The following PRLR variants were observed in gnomAD, a reference collection of about 807,000 sequenced individuals.
PRLR encodes hPRL receptor.
PRLR carries 13 observed loss-of-function variants against 40.2 expected under a neutral mutation model. That is an observed-to-expected ratio of 0.32 (90% CI 0.21 to 0.51). The LOEUF (loss-of-function observed/expected upper bound fraction) is 0.51, where lower values mean the gene tolerates loss of function less well. Ranked by LOEUF, PRLR falls within the 20% of genes least tolerant of loss-of-function variation. The pLI is 0.97. For missense variants in PRLR, 656 were observed against 747.3 expected (o/e 0.88, Z 1.42); for synonymous variants, 269 against 278.7 (o/e 0.97, Z 0.35).
intron 1 of PRLR, among the ~76,000 whole-genome samples, chr5:35,144,720 C>A (rs1382375340): frequency 6.6e-6 from 1 of 151,828 alleles, no homozygotes; most frequent in Non-Finnish European, 1.5e-5. Context: ...ACCTTGGCCT[C>A]CCAAAGTTCC....
chr5:35,125,590 G>A (rs1361679777), intron 1 of PRLR, among the ~76,000 whole-genome samples: 1 of 152,130 alleles, frequency 6.6e-6, no homozygotes, highest in East Asian at 1.9e-4. Context: ...CCCATAAGGG[G>A]TTTTCTGTAA....
rs1208574705 is a variant in PRLR at position 35,068,695 on chromosome 5, G to A, written c.785+84C>T. On this transcript the variant is annotated intron_variant, in intron 8 of 9. Coordinates refer to ENST00000618457, the MANE Select transcript of PRLR (RefSeq NM_000949.7). Reference sequence around the variant, plus strand: ...TGGCTAAAATGAGGATTATCTACAGGTTTCCATCATCTTTGTATTTTTTTT... The same window carrying A: ...TGGCTAAAATGAGGATTATCTACAGATTTCCATCATCTTTGTATTTTTTTT... The A allele has an allele frequency of 4.6e-6, 5 of 1,079,074 alleles. No homozygotes were observed. The East Asian group carries it at 9.5e-5, about 20-fold the overall frequency. 66.8% of individuals were successfully genotyped at this position (1,079,074 alleles called of 1,614,324 possible).
chr5:35,072,509 T>C, intron 6 of PRLR, 66 bp downstream of exon 6: 1 of 1,516,516 alleles, frequency 6.6e-7, no homozygotes. Context: ...TGACCTGTTT[T>C]CAGTTGTGAG....
intron 5 of PRLR, among the ~76,000 whole-genome samples, chr5:35,082,504 A>G (rs1391502522): frequency 6.7e-6 from 1 of 150,164 alleles, no homozygotes; most frequent in Non-Finnish European, 1.5e-5. Context: ...TTTATGCACC[A>G]CATACAAGTA....
At chr5:35,210,763 G>C (rs1776149295) in intron 1 of PRLR, among the ~76,000 whole-genome samples, 1 of 152,226 alleles carries the variant, frequency 6.6e-6, no homozygotes, top group South Asian at 2.1e-4. Flanking sequence ...AGGCTGGAGT[G>C]CAGTGGCGTG....
At chr5:35,228,303 T>G (rs557504551) in intron 1 of PRLR, among the ~76,000 whole-genome samples, 1 of 145,028 alleles carries the variant, frequency 6.9e-6, no homozygotes, top group South Asian at 2.3e-4. Flanking sequence ...TCAGGAAAAC[T>G]CAGAGGCTTG....
At chr5:35,201,194 C>G (rs1262867581) in intron 1 of PRLR, among the ~76,000 whole-genome samples, 4 of 152,268 alleles carry the variant, frequency 2.6e-5, no homozygotes, top group Non-Finnish European at 5.9e-5. Context: ...GGTATATGCA[C>G]TGGTTCTAGC....
chr5:35,212,022 A>T (rs945347665), intron 1 of PRLR, among the ~76,000 whole-genome samples: 3 of 152,236 alleles, frequency 2.0e-5, no homozygotes, highest in Admixed American at 2.0e-4. Context: ...TGGCCCAAAA[A>T]GCCTAGAAAT....
intron 1 of PRLR, among the ~76,000 whole-genome samples, chr5:35,122,747 A>T (rs1773333176): frequency 6.6e-6 from 1 of 152,222 alleles, no homozygotes; most frequent in African/African-American, 2.4e-5. Context: ...TTTATCCAAT[A>T]AAGCACTTGG....
intron 1 of PRLR, among the ~76,000 whole-genome samples, chr5:35,211,162 G>C (rs1776158486): frequency 6.6e-6 from 1 of 152,326 alleles, no homozygotes; most frequent in South Asian, 2.1e-4. Flanking sequence ...AGCCAGTTTA[G>C]AGCACTTTGC....
At chr5:35,139,836 G>A (rs1477071218) in intron 1 of PRLR, among the ~76,000 whole-genome samples, 1 of 152,070 alleles carries the variant, frequency 6.6e-6, no homozygotes, top group Non-Finnish European at 1.5e-5. Context: ...AATAATTTAG[G>A]ATAAACTTGC....
chr5:35,138,699 C>A (rs1250286362), intron 1 of PRLR, among the ~76,000 whole-genome samples: 1 of 152,166 alleles, frequency 6.6e-6, no homozygotes, highest in Non-Finnish European at 1.5e-5. Context: ...TACAATAGGG[C>A]ACCAGTCAAA....
chr5:35,123,229 T>A (rs1356553812), intron 1 of PRLR, among the ~76,000 whole-genome samples: 2 of 152,188 alleles, frequency 1.3e-5, no homozygotes, highest in Non-Finnish European at 2.9e-5. Flanking sequence ...AGCATCAGCA[T>A]AATCTTACTT....
intron 1 of PRLR, among the ~76,000 whole-genome samples, chr5:35,201,432 A>C (rs1292168903): frequency 1.3e-5 from 2 of 152,246 alleles, no homozygotes; most frequent in African/African-American, 2.4e-5. Context: ...AGACAGCCTT[A>C]AGGCCTGTTT....
Position 35,060,727 on chromosome 5 carries a change from A to G in PRLR, c.*4362T>C, listed in dbSNP as rs888161507. On this transcript the variant is annotated 3_prime_UTR_variant, in exon 10 of 10. Coordinates refer to ENST00000618457, the MANE Select transcript of PRLR (RefSeq NM_000949.7). The stretch of plus-strand genomic sequence containing the variant: ...AAAGGAAATTTGTTCACTCAAGAAC[A>G]CATGAGACTTTCGTCAATGGCACAT... The G allele has an allele frequency of 3.9e-5, 6 of 152,232 alleles. No homozygotes were observed. The highest frequency in any genetic ancestry group is 9.6e-5 in the African/African-American group (4 of 41,468). The allele number at this position is 152,232 out of a possible 1,614,324, so 9.4% of individuals were successfully genotyped here. A position where few individuals can be genotyped will look rare whatever the true frequency, so the allele number is the denominator to read the frequency against.
chr5:35,160,096 C>T (rs112712621), intron 1 of PRLR, among the ~76,000 whole-genome samples: 1 of 152,198 alleles, frequency 6.6e-6, no homozygotes, highest in Non-Finnish European at 1.5e-5. Context: ...ATGTGTTACT[C>T]TATAACAGAG....
intron 5 of PRLR, among the ~76,000 whole-genome samples, chr5:35,083,521 TTTC>T (rs1770658310): frequency 6.7e-6 from 1 of 148,268 alleles, no homozygotes. Flanking sequence ...TTTCTTTTCT[TTTC>T]TTTTTTTTTT....
At chr5:35,175,858 G>A (rs1221817761) in intron 1 of PRLR, among the ~76,000 whole-genome samples, 1 of 152,054 alleles carries the variant, frequency 6.6e-6, no homozygotes, top group Non-Finnish European at 1.5e-5. Flanking sequence ...AATGATCTTA[G>A]CACACAAAGT....
chr5:35,205,572 G>A (rs1775995181), intron 1 of PRLR, among the ~76,000 whole-genome samples: 1 of 152,058 alleles, frequency 6.6e-6, no homozygotes, highest in East Asian at 1.9e-4. Context: ...AGAAAACAAT[G>A]AAATTGGATG....
Sources: gnomAD v4.1 joint callset for allele counts (sites outside exome capture counted in the v4.1 genomes callset) on GRCh38, gnomAD v4.1.1 for gene constraint, MANE v1.5 for transcripts, NCBI Gene and HGNC (gene_info 2026-07-23, HGNC 2026-07-21) for gene names.